JPH3: variants seen among roughly 807,000 people sequenced by gnomAD.
JPH3 encodes junctophilin-3.
Under a neutral mutation model 59.6 loss-of-function variants are expected in JPH3, and 11 were observed. That is an observed-to-expected ratio of 0.18 (90% CI 0.12 to 0.31). JPH3 has a LOEUF of 0.31. JPH3 is among the 10% of genes least tolerant of loss of function. JPH3 has a pLI of 1.00. For missense variants in JPH3, 1,202 were observed against 1,105.7 expected, an observed-to-expected ratio of 1.09 and a Z score of -1.24; for synonymous variants, 673 against 483.6, an observed-to-expected ratio of 1.39 and a Z score of -5.14.
chr16:87,634,703 G>T (rs1325381754), intron 1 of JPH3, among the ~76,000 whole-genome samples: 2 of 152,240 alleles, frequency 1.3e-5, no homozygotes, highest in Non-Finnish European at 2.9e-5. Flanking sequence ...TAGGAGGCAG[G>T]TGAGGCGGGC....
intron 2 of JPH3, among the ~76,000 whole-genome samples, chr16:87,661,524 G>T (rs922467980): frequency 1.3e-5 from 2 of 152,240 alleles, no homozygotes; most frequent in South Asian, 2.1e-4. Flanking sequence ...ACTGGGGAGG[G>T]GTCGACATTG....
rs1409451521 is a variant in JPH3, at chr16:87,603,063, G to C, written c.-84G>C. On this transcript the variant is annotated 5_prime_UTR_variant, in exon 1 of 5. Transcript: ENST00000284262. The stretch of plus-strand genomic sequence containing the variant: ...TCCTCCGGAAAACGCTCGCGACCCA[G>C]GGCCGCCGGCGGCCGCGACTCTGCT... 7 of 1,565,040 alleles carry C rather than the reference G, an allele frequency of 4.5e-6. No homozygotes were observed. The highest frequency in any genetic ancestry group is 1.4e-5 in the African/African-American group (1 of 73,522).
chr16:87,670,714 G>T (rs1457030605), intron 2 of JPH3, among the ~76,000 whole-genome samples: 2 of 152,244 alleles, frequency 1.3e-5, no homozygotes, highest in Non-Finnish European at 2.9e-5. Context: ...AAAAACCACG[G>T]AAGTACATTG....
At chr16:87,621,488 T>C (rs1472744385) in intron 1 of JPH3, among the ~76,000 whole-genome samples, 1 of 152,180 alleles carries the variant, frequency 6.6e-6, no homozygotes, top group Non-Finnish European at 1.5e-5. Context: ...ACCAGTGCCT[T>C]CTTGCTCTCA....
intron 1 of JPH3, among the ~76,000 whole-genome samples, chr16:87,640,068 C>T (rs1305920116): frequency 6.6e-6 from 1 of 152,090 alleles, no homozygotes; most frequent in Non-Finnish European, 1.5e-5. Flanking sequence ...GAGGGGGGGC[C>T]CAATTTAACA....
chr16:87,633,805 A>G (rs76069994), intron 1 of JPH3, among the ~76,000 whole-genome samples: 10 of 145,662 alleles, frequency 6.9e-5, no homozygotes, highest in African/African-American at 2.8e-4. Context: ...TGCGAAAAAT[A>G]AAAAAAATCT....
In JPH3 at chr16:87,683,900, C is replaced by G. The variant is rs1176061018; in HGVS notation, c.1161-242C>G. On this transcript the variant is annotated intron_variant, in intron 2 of 4. Coordinates refer to ENST00000284262, the MANE Select transcript of JPH3 (RefSeq NM_020655.4). ...GGATTACAGGCGTGAGCCACCATGC[C>G]CTGCCCAGAGGTGTTTTCAAGCATG... 10 of 501,058 alleles carry G rather than the reference C, an allele frequency of 2.0e-5. 1 individual carries two copies. The highest frequency in any genetic ancestry group is 5.0e-5 in the South Asian group (2 of 40,326). 31.0% of individuals were successfully genotyped at this position (501,058 alleles called of 1,614,324 possible). A position where few individuals can be genotyped will look rare whatever the true frequency, so the allele number is the denominator to read the frequency against.
At chr16:87,638,219 TC>T (rs1425755944) in intron 1 of JPH3, among the ~76,000 whole-genome samples, 2 of 152,128 alleles carry the variant, frequency 1.3e-5, no homozygotes, top group African/African-American at 4.8e-5. Flanking sequence ...ACACCCGGCC[TC>T]CTTTTAAAAT....
chr16:87,602,646 G>A lies in JPH3; in HGVS notation c.-501G>A, dbSNP rs1052640894. ...CCCCCAATATGGTGCAGCCGCCAGC[G>A]CCGCCGCCCGTGCCGCCGCCGCCGC... On this transcript the variant is annotated 5_prime_UTR_variant, in exon 1 of 5. Transcript: ENST00000284262. Among the ~76,000 whole-genome samples the A allele has an allele frequency of 1.5e-5, 2 of 132,646 alleles. No individual in the cohort carries two copies. Among genetic ancestry groups the A allele is most frequent in the African/African-American group, 5.5e-5 (2 of 36,432 alleles). 87.0% of individuals were successfully genotyped at this position (132,646 alleles called of 152,430 possible).
At chr16:87,660,340 G>A (rs994412793) in intron 2 of JPH3, among the ~76,000 whole-genome samples, 1 of 152,112 alleles carries the variant, frequency 6.6e-6, no homozygotes, top group Admixed American at 6.5e-5. Context: ...AGGGCACAGA[G>A]GACTTCCTGG....
intron 2 of JPH3, among the ~76,000 whole-genome samples, chr16:87,669,139 A>G (rs377008293): frequency 6.6e-6 from 1 of 152,140 alleles, no homozygotes; most frequent in East Asian, 1.9e-4. Context: ...GGGTCCTCAC[A>G]GCAGTGTTCT....
At chr16:87,640,404 G>T (rs1276543797) in intron 1 of JPH3, among the ~76,000 whole-genome samples, 1 of 151,186 alleles carries the variant, frequency 6.6e-6, no homozygotes, top group Non-Finnish European at 1.5e-5. Flanking sequence ...TTATGTATTT[G>T]TTTAGAGACA....
chr16:87,647,476 C>T (rs895645254), intron 2 of JPH3, among the ~76,000 whole-genome samples: 1 of 152,194 alleles, frequency 6.6e-6, no homozygotes, highest in Non-Finnish European at 1.5e-5. Flanking sequence ...TGCCAACCCC[C>T]CGACAGCCTT....
intron 2 of JPH3, among the ~76,000 whole-genome samples, chr16:87,681,215 C>A (rs562725713): frequency 8.2e-4 from 120 of 145,788 alleles, no homozygotes; most frequent in African/African-American, 3.1e-3. Context: ...GATGACAGTT[C>A]CGGGAGGTCA....
chr16:87,637,409 A>T (rs568051262), intron 1 of JPH3, among the ~76,000 whole-genome samples: 45 of 123,506 alleles, frequency 3.6e-4, no homozygotes, highest in African/African-American at 1.4e-3. Context: ...AGAGAGAGAG[A>T]GAGTGTGTGT....
chr16:87,670,983 G>A (rs2032999667), intron 2 of JPH3, among the ~76,000 whole-genome samples: 1 of 152,206 alleles, frequency 6.6e-6, no homozygotes, highest in Non-Finnish European at 1.5e-5. Context: ...CTCCCGCCAA[G>A]GTGAGGGTAG....
Position 87,645,501 on chromosome 16 carries a change from C to T in JPH3, c.1160+466C>T, listed in dbSNP as rs180974004. Among the ~76,000 whole-genome samples the T allele has an allele frequency of 2.4e-4, 37 of 152,252 alleles. No homozygotes were observed. The East Asian group carries it at 3.7e-3, about 15-fold the overall frequency. ...CCCAGACCTGCGATCTAGATTCTTC[C>T]GGGACCCTGGGAGATGGCAGCAGTT... On this transcript the variant is annotated intron_variant, in intron 2 of 4. Coordinates refer to ENST00000284262, the MANE Select transcript of JPH3 (RefSeq NM_020655.4).
At chr16:87,679,241 C>G (rs1038682173) in intron 2 of JPH3, among the ~76,000 whole-genome samples, 2 of 152,084 alleles carry the variant, frequency 1.3e-5, no homozygotes, top group African/African-American at 2.4e-5. Flanking sequence ...TAGGGTTTCT[C>G]TCTTTCTTTC....
chr16:87,608,623 C>G (rs2030617698), intron 1 of JPH3, among the ~76,000 whole-genome samples: 2 of 152,168 alleles, frequency 1.3e-5, no homozygotes, highest in Admixed American at 1.3e-4. Flanking sequence ...GGCTGCCTGC[C>G]TGGGTTGGGT....
Sources: gnomAD v4.1 joint callset for allele counts (sites outside exome capture counted in the v4.1 genomes callset) on GRCh38, gnomAD v4.1.1 for gene constraint, MANE v1.5 for transcripts, NCBI Gene and HGNC (gene_info 2026-07-23, HGNC 2026-07-21) for gene names.